MOB3B: variants seen among roughly 807,000 people sequenced by gnomAD.
MOB3B encodes the protein MOB kinase activator-like 2B.
A neutral mutation model predicts 18.7 loss-of-function variants in MOB3B; 7 were observed. That is an observed-to-expected ratio of 0.37 (90% CI 0.21 to 0.70). MOB3B has a LOEUF of 0.70. Among genes scored for constraint, MOB3B ranks in the 30% least tolerant of loss-of-function variants. The pLI is 0.52. For synonymous variants in MOB3B, 111 were observed against 99.9 expected (o/e 1.11, Z -0.66); for missense variants, 253 against 281.3 (o/e 0.90, Z 0.72).
At chr9:27,398,738 A>G (rs1234321498) in intron 2 of MOB3B, among the ~76,000 whole-genome samples, 1 of 152,232 alleles carries the variant, frequency 6.6e-6, no homozygotes, top group Non-Finnish European at 1.5e-5. Flanking sequence ...AATACCACCA[A>G]GTATTTCTAT....
At chr9:27,480,059 TA>T (rs35766164) in intron 1 of MOB3B, among the ~76,000 whole-genome samples, 2,071 of 136,452 alleles carry the variant, frequency 0.015, 34 homozygotes, top group African/African-American at 0.041. Context: ...ACTGTCTCTT[TA>T]AAAAAAAAAA....
chr9:27,522,816 T>A (rs1188129787), intron 1 of MOB3B, among the ~76,000 whole-genome samples: 1 of 152,094 alleles, frequency 6.6e-6, no homozygotes, highest in East Asian at 1.9e-4. Flanking sequence ...TATAACGCTA[T>A]ATAAAAGGGC....
intron 1 of MOB3B, among the ~76,000 whole-genome samples, chr9:27,523,006 T>C (rs1184731982): frequency 6.6e-6 from 1 of 152,096 alleles, no homozygotes; most frequent in Non-Finnish European, 1.5e-5. Flanking sequence ...TTTGGTGCAG[T>C]CAACTGATTT....
At chr9:27,395,514 C>T (rs1821786522) in intron 2 of MOB3B, among the ~76,000 whole-genome samples, 1 of 152,042 alleles carries the variant, frequency 6.6e-6, no homozygotes, top group Non-Finnish European at 1.5e-5. Flanking sequence ...CAGGTTCTAT[C>T]CTGCTTTGGA....
rs1356200480 is a variant in MOB3B, at chr9:27,329,181, T to C, written c.*1406A>G. The C allele has an allele frequency of 2.0e-5, 3 of 152,208 alleles. No individual in the cohort carries two copies. The highest frequency in any genetic ancestry group is 1.3e-4 in the Admixed American group (2 of 15,280). 9.4% of individuals were successfully genotyped at this position (152,208 alleles called of 1,614,324 possible). The stretch of plus-strand genomic sequence containing the variant: ...ATTACTTTAAAATACACTAATACAT[T>C]CTTATCTACTTCCCTCCACCGACAA... On this transcript the variant is annotated 3_prime_UTR_variant, in exon 4 of 4. Transcript: ENST00000262244.
chr9:27,468,987 T>C (rs922870324), intron 1 of MOB3B, among the ~76,000 whole-genome samples: 1 of 152,244 alleles, frequency 6.6e-6, no homozygotes, highest in African/African-American at 2.4e-5. Flanking sequence ...TAAAACAATG[T>C]TTAAAAAGTC....
intron 3 of MOB3B, among the ~76,000 whole-genome samples, chr9:27,335,027 G>A (rs1820844092): frequency 6.6e-6 from 1 of 152,106 alleles, no homozygotes; most frequent in Non-Finnish European, 1.5e-5. Context: ...GGATGGTCTC[G>A]ATCTCCTGAC....
At chr9:27,421,178 C>T (rs1822244218) in intron 2 of MOB3B, 1 of 152,216 alleles carries the variant, frequency 6.6e-6, no homozygotes, top group African/African-American at 2.4e-5. Flanking sequence ...GAAACCTCCG[C>T]CTCCCGGGTT....
chr9:27,431,597 A>T (rs1409260730), intron 2 of MOB3B, among the ~76,000 whole-genome samples: 3 of 152,194 alleles, frequency 2.0e-5, no homozygotes, highest in Admixed American at 2.0e-4. Flanking sequence ...ACCAAGGTAC[A>T]ACACTGATGA....
intron 1 of MOB3B, among the ~76,000 whole-genome samples, chr9:27,511,682 C>A (rs1376752276): frequency 6.6e-6 from 1 of 152,146 alleles, no homozygotes; most frequent in Non-Finnish European, 1.5e-5. Context: ...TACTTCTACT[C>A]TTTCAGAAAA....
chr9:27,377,798 G>A (rs1023034641), intron 2 of MOB3B, among the ~76,000 whole-genome samples: 4 of 152,192 alleles, frequency 2.6e-5, no homozygotes, highest in South Asian at 2.1e-4. Context: ...TTCAAATTCC[G>A]TTTGACATTC....
chr9:27,437,393 T>C (rs1394466222), intron 2 of MOB3B, among the ~76,000 whole-genome samples: 2 of 152,200 alleles, frequency 1.3e-5, no homozygotes, highest in East Asian at 3.8e-4. Context: ...AAGGTATTCA[T>C]TGAATTTCGT....
At chr9:27,399,610 T>C (rs553320049) in intron 2 of MOB3B, among the ~76,000 whole-genome samples, 5 of 152,226 alleles carry the variant, frequency 3.3e-5, no homozygotes, top group African/African-American at 9.6e-5. Flanking sequence ...GACCCTTCCA[T>C]TAATACAAAT....
At chr9:27,367,913 A>T (rs1821361770) in intron 2 of MOB3B, among the ~76,000 whole-genome samples, 1 of 152,196 alleles carries the variant, frequency 6.6e-6, no homozygotes, top group Non-Finnish European at 1.5e-5. Context: ...TGGCATGTCA[A>T]CAACAACCAG....
At chr9:27,460,857 G>A (rs747242029) in intron 1 of MOB3B, among the ~76,000 whole-genome samples, 1 of 152,196 alleles carries the variant, frequency 6.6e-6, no homozygotes, top group Non-Finnish European at 1.5e-5. Context: ...ATGAGTAAAT[G>A]ACAGTGAATT....
At chr9:27,360,196 T>TTATAACAAG (rs1157311985) in intron 2 of MOB3B, among the ~76,000 whole-genome samples, 1 of 152,198 alleles carries the variant, frequency 6.6e-6, no homozygotes, top group Non-Finnish European at 1.5e-5. Context: ...AGGTAAGGTC[T>TTATAACAAG]GTTGTTATAA....
intron 1 of MOB3B, among the ~76,000 whole-genome samples, chr9:27,508,707 G>C (rs890225506): frequency 6.6e-6 from 1 of 152,142 alleles, no homozygotes; most frequent in East Asian, 1.9e-4. Flanking sequence ...GCAGGCAAAA[G>C]ACTATGCTGA....
In MOB3B at chr9:27,529,804, G is replaced by C; in HGVS notation, c.-448C>G. 1.0e-6 allele frequency: 1 copy of C among 985,400 alleles called. No homozygotes were observed. The highest frequency in any genetic ancestry group is 1.2e-6 in the Non-Finnish European group (1 of 829,918). 61.0% of individuals were successfully genotyped at this position (985,400 alleles called of 1,614,324 possible). On this transcript the variant is annotated 5_prime_UTR_variant, in exon 1 of 4. Coordinates refer to ENST00000262244, the MANE Select transcript of MOB3B (RefSeq NM_024761.5). ...CACCCAGCGCGCCGCGCAGCCGGCC[G>C]GGGCTCGACTGTCTCGCGGGGACGC... is the stretch of plus-strand genomic sequence containing the variant.
intron 1 of MOB3B, among the ~76,000 whole-genome samples, chr9:27,461,654 G>T (rs564189395): frequency 2.0e-5 from 3 of 152,306 alleles, no homozygotes; most frequent in African/African-American, 4.8e-5. Context: ...GCTCTTCAAT[G>T]GTCGTTTGAA....
Sources: gnomAD v4.1 joint callset for allele counts (sites outside exome capture counted in the v4.1 genomes callset) on GRCh38, gnomAD v4.1.1 for gene constraint, MANE v1.5 for transcripts, NCBI Gene and HGNC (gene_info 2026-07-23, HGNC 2026-07-21) for gene names.